MACIR: variants seen among roughly 807,000 people sequenced by gnomAD.
MACIR encodes the protein UNC119-binding protein C5orf30.
Under a neutral mutation model 14.3 loss-of-function variants are expected in MACIR, and 4 were observed. The ratio of observed to expected loss-of-function variants is 0.28; its 90% CI spans 0.14 to 0.64. The LOEUF (loss-of-function observed/expected upper bound fraction) is 0.64, where lower values mean the gene tolerates loss of function less well. Among genes scored for constraint, MACIR ranks in the 30% least tolerant of loss-of-function variants. The pLI, the probability that MACIR is intolerant of heterozygous loss-of-function variation, is 0.83. For synonymous variants in MACIR, 101 were observed against 102.4 expected (o/e 0.99, Z 0.08); for missense variants, 228 against 257.6 (o/e 0.89, Z 0.79).
intron 1 of MACIR, among the ~76,000 whole-genome samples, chr5:103,262,361 TA>T (rs1804759786): frequency 6.6e-6 from 1 of 152,200 alleles, no homozygotes; most frequent in Non-Finnish European, 1.5e-5. Context: ...TTTCCCTTTT[TA>T]AAAAAGTCAT....
intron 2 of MACIR, among the ~76,000 whole-genome samples, chr5:103,275,151 T>C (rs1390326305): frequency 6.6e-6 from 1 of 152,230 alleles, no homozygotes; most frequent in Non-Finnish European, 1.5e-5. Flanking sequence ...AAGTAGTCAA[T>C]TAAAATGACA....
At chr5:103,267,949 C>G (rs956823509) in intron 2 of MACIR, among the ~76,000 whole-genome samples, 2 of 152,084 alleles carry the variant, frequency 1.3e-5, no homozygotes, top group African/African-American at 4.8e-5. Context: ...CAGAATGCCA[C>G]GTAAGTAGAA....
intron 2 of MACIR, among the ~76,000 whole-genome samples, chr5:103,273,375 T>C (rs1347180449): frequency 1.3e-5 from 2 of 152,188 alleles, no homozygotes; most frequent in African/African-American, 2.4e-5. Context: ...TGTTATTGGC[T>C]GTTGGAAACT....
chr5:103,276,201 A>G lies in MACIR; in HGVS notation c.282A>G (p.Lys94=), dbSNP rs1805323141. The G allele has an allele frequency of 1.2e-6, 2 of 1,613,658 alleles. No homozygotes were observed. Among genetic ancestry groups the G allele is most frequent in the Non-Finnish European group, 8.5e-7 (1 of 1,179,914 alleles). ...AAGCCATGCCATCCTTACGCTCCAA[A>G]CAGCTAGATGCAGGACTTGCCCGTT... ...KAEAMPSLRS[K]QLDAGLARSS... The change falls in exon 3 of 3, where the codon AAA becomes AAG. Residue 94 remains lysine, a synonymous_variant. Coordinates refer to ENST00000319933, the MANE Select transcript of MACIR (RefSeq NM_033211.4).
At chr5:103,262,291 G>T (rs932378922) in intron 1 of MACIR, among the ~76,000 whole-genome samples, 1 of 44,030 alleles carries the variant, frequency 2.3e-5, no homozygotes, top group Non-Finnish European at 4.3e-5. Context: ...TATCTAAGTG[G>T]GTACACCCGA....
intron 1 of MACIR, among the ~76,000 whole-genome samples, chr5:103,262,850 T>A (rs1804777285): frequency 6.6e-6 from 1 of 152,230 alleles, no homozygotes; most frequent in Non-Finnish European, 1.5e-5. Flanking sequence ...CTTCTAAGAA[T>A]TTCACATGGA....
At chr5:103,261,690 CTTT>C (rs1562545825) in intron 1 of MACIR, among the ~76,000 whole-genome samples, 2 of 120,140 alleles carry the variant, frequency 1.7e-5, no homozygotes, top group East Asian at 2.3e-4. Context: ...TTCTTTCTTT[CTTT>C]CTTTCTTTCT....
At position 103,268,270 on chromosome 5, in the gene MACIR, C is replaced by T. The variant is rs1032083053; in HGVS notation, c.-24+2273C>T. On this transcript the variant is annotated intron_variant, in intron 2 of 2. Coordinates refer to ENST00000319933, the MANE Select transcript of MACIR (RefSeq NM_033211.4). The stretch of plus-strand genomic sequence containing the variant: ...AAGTAAATGCCAAACTGTTCTCTAA[C>T]GTAGCTGCACCTGACAAAGGCTTCT... Among the ~76,000 whole-genome samples, 12 of 152,170 alleles carry T rather than the reference C, an allele frequency of 7.9e-5. No individual in the cohort carries two copies. The South Asian group carries it at 1.4e-3, about 18-fold the overall frequency.
At position 103,261,693 on chromosome 5, in the gene MACIR, T is replaced by TC. The variant is rs879948320; in HGVS notation, c.-114+2798dup. ...TTCTTTCTTTCTTTCTTTCTTTCTT[T>TC]CTTTCTTTCTTCCTTTCTTTCTTTC... On this transcript the variant is annotated intron_variant, in intron 1 of 2. Coordinates refer to ENST00000319933, the MANE Select transcript of MACIR (RefSeq NM_033211.4). 8.0e-4 allele frequency among the ~76,000 whole-genome samples: 95 copies of TC among 119,358 alleles called. 1 individual carries two copies. The highest frequency in any genetic ancestry group is 4.0e-3 in the East Asian group (17 of 4,230). The allele number at this position is 119,358 out of a possible 152,430, so 78.3% of individuals were successfully genotyped here. A position where few individuals can be genotyped will look rare whatever the true frequency, so the allele number is the denominator to read the frequency against.
rs535684227 is a variant in MACIR, at chr5:103,260,138, A to G, written c.-114+1242A>G. Among the ~76,000 whole-genome samples, 25 of 151,522 alleles carry G rather than the reference A, an allele frequency of 1.6e-4. No homozygotes were observed. In the South Asian group the frequency reaches 5.0e-3, roughly 30 times the overall value. ...GGAACTTTTTATTTGAGCAGGAAGA[A>G]TGGAGGCATTTTACAGTGTGCTTGC... On this transcript the variant is annotated intron_variant, in intron 1 of 2. Transcript: ENST00000319933.
At position 103,278,397 on chromosome 5, in the gene MACIR, A is replaced by T. The variant is rs1554238016; in HGVS notation, c.*1857A>T. The stretch of plus-strand genomic sequence containing the variant: ...ACATTGTTGTGTGGTGCTTTAAACT[A>T]GGTCCACTATCAACAGGCTACTTAC... On this transcript the variant is annotated 3_prime_UTR_variant, in exon 3 of 3. Transcript: ENST00000319933. 6.0e-6 allele frequency: 1 copy of T among 167,108 alleles called. No individual in the cohort carries two copies. Among genetic ancestry groups the T allele is most frequent in the Non-Finnish European group, 1.5e-5 (1 of 68,116 alleles). 10.4% of individuals were successfully genotyped at this position (167,108 alleles called of 1,614,324 possible). A position where few individuals can be genotyped will look rare whatever the true frequency, so the allele number is the denominator to read the frequency against.
intron 1 of MACIR, among the ~76,000 whole-genome samples, chr5:103,265,609 A>C (rs1286673240): frequency 6.6e-6 from 1 of 152,162 alleles, no homozygotes; most frequent in Non-Finnish European, 1.5e-5. Context: ...TGGTGAAACC[A>C]ATACTTATTA....
At chr5:103,264,652 A>T (rs1804857127) in intron 1 of MACIR, among the ~76,000 whole-genome samples, 2 of 152,180 alleles carry the variant, frequency 1.3e-5, no homozygotes, top group Admixed American at 1.3e-4. Flanking sequence ...CATGAAAGGG[A>T]GTGTTTCTGT....
chr5:103,268,025 A>G (rs1804988863), intron 2 of MACIR, among the ~76,000 whole-genome samples: 1 of 152,110 alleles, frequency 6.6e-6, no homozygotes, highest in Non-Finnish European at 1.5e-5. Flanking sequence ...GTTCCACTTC[A>G]TTGCTGAGTG....
At chr5:103,271,267 T>C (rs1805113818) in intron 2 of MACIR, among the ~76,000 whole-genome samples, 1 of 152,172 alleles carries the variant, frequency 6.6e-6, no homozygotes, top group African/African-American at 2.4e-5. Flanking sequence ...TCAAAGCTGG[T>C]CTAAGGAGCC....
At chr5:103,258,526 C>T (rs949882835), upstream of MACIR, among the ~76,000 whole-genome samples, 1 of 152,146 alleles carries the variant, frequency 6.6e-6, no homozygotes, top group South Asian at 2.1e-4. Context: ...AGTCAACAAC[C>T]CCGCCCACCC....
At chr5:103,262,376 CT>C (rs1804760260) in intron 1 of MACIR, among the ~76,000 whole-genome samples, 1 of 152,134 alleles carries the variant, frequency 6.6e-6, no homozygotes. Context: ...AAGTCATTGC[CT>C]TTCCATGTTG....
intron 1 of MACIR, among the ~76,000 whole-genome samples, chr5:103,264,098 T>C (rs556010618): frequency 3.9e-5 from 6 of 152,304 alleles, no homozygotes; most frequent in Middle Eastern, 6.8e-3. Flanking sequence ...TTTTCACTTA[T>C]AGAAATTACT....
chr5:103,278,577 A>C lies in MACIR; in HGVS notation c.*2037A>C, dbSNP rs1211776611. On this transcript the variant is annotated 3_prime_UTR_variant, in exon 3 of 3. Coordinates refer to ENST00000319933, the MANE Select transcript of MACIR (RefSeq NM_033211.4). ...AATGATATGTATTCACCCTATTAGG[A>C]AACACAACTGGTTACCTATGAGACC... 2 of 167,122 alleles carry C rather than the reference A, an allele frequency of 1.2e-5. No individual in the cohort carries two copies. Among genetic ancestry groups the C allele is most frequent in the African/African-American group, 2.4e-5 (1 of 41,472 alleles). The allele number at this position is 167,122 out of a possible 1,614,324, so 10.4% of individuals were successfully genotyped here.
Sources: allele counts gnomAD v4.1 joint callset (sites outside exome capture counted in the v4.1 genomes callset), GRCh38; gene constraint gnomAD v4.1.1; transcripts MANE v1.5; gene names NCBI Gene and HGNC (gene_info 2026-07-23, HGNC 2026-07-21).